LEKR1: variants seen among roughly 807,000 people sequenced by gnomAD.
LEKR1 encodes protein LEKR1.
A neutral mutation model predicts 72.4 loss-of-function variants in LEKR1; 59 were observed. That is an observed-to-expected ratio of 0.82 (90% CI 0.66 to 1.01). LEKR1 has a LOEUF of 1.01. LEKR1 is among the 50% of genes least tolerant of loss of function. The pLI is 0.00. For missense variants in LEKR1, 728 were observed against 759.2 expected, an observed-to-expected ratio of 0.96 and a Z score of 0.48; for synonymous variants, 257 against 263.2, an observed-to-expected ratio of 0.98 and a Z score of 0.23.
chr3:156,982,899 A>G (rs1730349995), intron 7 of LEKR1, among the ~76,000 whole-genome samples: 1 of 144,316 alleles, frequency 6.9e-6, no homozygotes, highest in Non-Finnish European at 1.6e-5. Flanking sequence ...AGATAGATAG[A>G]TAGATAGATG....
intron 6 of LEKR1, among the ~76,000 whole-genome samples, chr3:156,969,883 G>A (rs1729002758): frequency 6.6e-6 from 1 of 152,140 alleles, no homozygotes. Flanking sequence ...GTAAAATACT[G>A]GCAAACCATA....
chr3:156,879,000 CG>C (rs1452681630), intron 3 of LEKR1, among the ~76,000 whole-genome samples: 1 of 152,052 alleles, frequency 6.6e-6, no homozygotes, highest in Non-Finnish European at 1.5e-5. Flanking sequence ...TATACAGTCT[CG>C]GGTATGTCTT....
chr3:156,890,407 A>C (rs1325822517), intron 3 of LEKR1, among the ~76,000 whole-genome samples: 2 of 152,176 alleles, frequency 1.3e-5, no homozygotes, highest in African/African-American at 4.8e-5. Context: ...CTAAATGATA[A>C]AATATTAATT....
intron 4 of LEKR1, chr3:156,924,416 T>A (rs1050608656): frequency 1.2e-5 from 7 of 575,838 alleles, no homozygotes; most frequent in East Asian, 8.8e-5. Context: ...CAGTGGCTTA[T>A]CTTTTTATTT....
At position 156,829,380 on chromosome 3, in the gene LEKR1, A is replaced by G. The variant is rs894831195; in HGVS notation, c.48+3A>G. ...CGTTGCCTGAAGAAATCCAAAAGGT[A>G]TGATATATTGTGTTGCTACAGCCTA... is the stretch of plus-strand genomic sequence containing the variant. On this transcript the variant is annotated splice_donor_region_variant and intron_variant, in intron 2 of 12. Coordinates refer to ENST00000356539, the MANE Select transcript of LEKR1 (RefSeq NM_001004316.3). The G allele has an allele frequency of 2.0e-6, 3 of 1,531,074 alleles. No individual in the cohort carries two copies. Among genetic ancestry groups the G allele is most frequent in the African/African-American group, 1.4e-5 (1 of 72,852 alleles). The allele number at this position is 1,531,074 out of a possible 1,614,324, so 94.8% of individuals were successfully genotyped here.
intron 6 of LEKR1, among the ~76,000 whole-genome samples, chr3:156,944,109 T>C (rs1289184669): frequency 6.6e-6 from 1 of 151,724 alleles, no homozygotes; most frequent in African/African-American, 2.4e-5. Context: ...AATCAATAAT[T>C]ATCTTTTATT....
chr3:157,037,583 T>C (rs1735052933), intron 12 of LEKR1, among the ~76,000 whole-genome samples: 1 of 152,182 alleles, frequency 6.6e-6, no homozygotes, highest in Non-Finnish European at 1.5e-5. Context: ...AGTACACTTC[T>C]GTTTATTCCC....
intron 2 of LEKR1, among the ~76,000 whole-genome samples, chr3:156,840,767 A>C (rs571881371): frequency 6.6e-6 from 1 of 152,366 alleles, no homozygotes; most frequent in South Asian, 2.1e-4. Flanking sequence ...AGACCTTTTA[A>C]ATCATTACAT....
intron 6 of LEKR1, among the ~76,000 whole-genome samples, chr3:156,953,167 A>AG (rs1036754566): frequency 3.3e-5 from 5 of 151,144 alleles, no homozygotes; most frequent in African/African-American, 1.2e-4. Context: ...GTCTTTAAAA[A>AG]AAAAAGCTTT....
intron 6 of LEKR1, among the ~76,000 whole-genome samples, chr3:156,958,200 C>G (rs1727822053): frequency 6.6e-6 from 1 of 152,054 alleles, no homozygotes; most frequent in Non-Finnish European, 1.5e-5. Flanking sequence ...CTTACTCATT[C>G]TCATATCAGG....
intron 9 of LEKR1, among the ~76,000 whole-genome samples, chr3:157,008,602 G>T (rs1313128378): frequency 6.6e-6 from 1 of 152,040 alleles, no homozygotes; most frequent in Non-Finnish European, 1.5e-5. Flanking sequence ...GCGTTTTGTG[G>T]TTCTCAACAA....
At chr3:156,949,431 T>C (rs1041117871) in intron 6 of LEKR1, among the ~76,000 whole-genome samples, 2 of 151,708 alleles carry the variant, frequency 1.3e-5, no homozygotes, top group African/African-American at 4.8e-5. Context: ...CTTTTTCCAT[T>C]GCTTGTTTTT....
chr3:156,920,430 A>G, intron 3 of LEKR1, 145 bp from the exon 4 acceptor site: 1 of 521,112 alleles, frequency 1.9e-6, no homozygotes, highest in Non-Finnish European at 3.2e-6. Flanking sequence ...GTCTCTCCAT[A>G]TTTTTTCTGT....
chr3:156,873,981 C>A (rs1718273086), intron 3 of LEKR1, among the ~76,000 whole-genome samples: 1 of 152,104 alleles, frequency 6.6e-6, no homozygotes, highest in Middle Eastern at 3.4e-3. Flanking sequence ...ATGGTGAAGA[C>A]CTTTTTGAAT....
chr3:156,856,063 G>A (rs1017690447), intron 3 of LEKR1, among the ~76,000 whole-genome samples: 2 of 151,046 alleles, frequency 1.3e-5, no homozygotes, highest in African/African-American at 2.5e-5. Flanking sequence ...ATAGACTCAC[G>A]CAAGTAGAAA....
In LEKR1 at chr3:157,032,939, T is replaced by C. The variant is rs189814632; in HGVS notation, c.1668+4537T>C. 2.3e-4 allele frequency among the ~76,000 whole-genome samples: 35 copies of C among 152,332 alleles called. 1 individual carries two copies. The East Asian group carries it at 6.4e-3, about 28-fold the overall frequency. ...TCACAGTTTGGTAATTCTTGCAATATTTTAAACTCTTTCATTATTATTATA... is the reference window on the plus strand; with the variant it reads ...TCACAGTTTGGTAATTCTTGCAATACTTTAAACTCTTTCATTATTATTATA... On this transcript the variant is annotated intron_variant, in intron 12 of 12. Coordinates refer to ENST00000356539, the MANE Select transcript of LEKR1 (RefSeq NM_001004316.3).
At chr3:157,031,909 T>A (rs1734637919) in intron 12 of LEKR1, among the ~76,000 whole-genome samples, 1 of 152,040 alleles carries the variant, frequency 6.6e-6, no homozygotes, top group Non-Finnish European at 1.5e-5. Context: ...GCAGGGATTA[T>A]TGGAGGGCAT....
intron 12 of LEKR1, among the ~76,000 whole-genome samples, chr3:157,036,477 C>T (rs956926151): frequency 6.6e-6 from 1 of 152,104 alleles, no homozygotes; most frequent in Non-Finnish European, 1.5e-5. Flanking sequence ...CTATATCCTG[C>T]CAAAACAATC....
At chr3:156,899,532 A>ATG (rs1247191020) in intron 3 of LEKR1, among the ~76,000 whole-genome samples, 11 of 113,944 alleles carry the variant, frequency 9.7e-5, no homozygotes, top group South Asian at 6.1e-4. Context: ...ACATATATAC[A>ATG]CATATATACA....
Sources: allele counts gnomAD v4.1 joint callset (sites outside exome capture counted in the v4.1 genomes callset), GRCh38; gene constraint gnomAD v4.1.1; transcripts MANE v1.5; gene names NCBI Gene and HGNC (gene_info 2026-07-23, HGNC 2026-07-21).